The following MGAT4C variants were observed in gnomAD, a reference collection of about 807,000 sequenced individuals.
The protein encoded by MGAT4C is alpha-1,3-mannosyl-glycoprotein 4-beta-N-acetylglucosaminyltransferase C.
In MGAT4C, 19 loss-of-function variants were observed where a neutral mutation model predicts 40.1. The observed-to-expected ratio is 0.47, with a 90% CI of 0.33 to 0.70. The LOEUF (loss-of-function observed/expected upper bound fraction) is 0.70, where lower values mean the gene tolerates loss of function less well. MGAT4C is among the 30% of genes least tolerant of loss of function. The probability of loss-of-function intolerance (pLI) is 0.02; values close to 1 mark genes in which losing one functional copy is unlikely to be tolerated. For synonymous variants in MGAT4C, 181 were observed against 187.1 expected (o/e 0.97, Z 0.27); for missense variants, 491 against 563.2 (o/e 0.87, Z 1.30).
At chr12:86,696,214 GAAA>G (rs367726480) in intron 2 of MGAT4C, among the ~76,000 whole-genome samples, 1 of 144,022 alleles carries the variant, frequency 6.9e-6, no homozygotes, top group Admixed American at 6.9e-5. Context: ...GTGAGACTCA[GAAA>G]AAAAAAAAGT....
intron 1 of MGAT4C, among the ~76,000 whole-genome samples, chr12:86,050,605 G>A (rs546762926): frequency 6.6e-6 from 1 of 152,082 alleles, no homozygotes; most frequent in East Asian, 1.9e-4. Context: ...AGTCAACTGT[G>A]AACATTTATA....
intron 1 of MGAT4C, among the ~76,000 whole-genome samples, chr12:86,133,943 C>T (rs769216229): frequency 3.9e-4 from 60 of 151,912 alleles, no homozygotes; most frequent in Non-Finnish European, 5.4e-4. Context: ...TTATTTCAAA[C>T]TTAGGAGATT....
chr12:86,501,031 G>GTATGCA (rs1958331316), intron 2 of MGAT4C, among the ~76,000 whole-genome samples: 1 of 152,034 alleles, frequency 6.6e-6, no homozygotes, highest in South Asian at 2.1e-4. Flanking sequence ...CTTGATGGGA[G>GTATGCA]TTCTGGAACA....
Position 86,121,270 on chromosome 12 carries a change from T to C in MGAT4C, c.-56-71547A>G, listed in dbSNP as rs186360625. Among the ~76,000 whole-genome samples the C allele has an allele frequency of 1.1e-4, 16 of 152,308 alleles. 1 individual carries two copies. In the East Asian group the frequency reaches 2.3e-3, roughly 22 times the overall value. On this transcript the variant is annotated intron_variant, in intron 1 of 4. Coordinates refer to ENST00000611864, the MANE Select transcript of MGAT4C (RefSeq NM_001351288.2). ...GTGAAAAGACCAAATCTACGTCTGA[T>C]TGGTGTACCTGAAAGTGATGGGGAG...
intron 1 of MGAT4C, among the ~76,000 whole-genome samples, chr12:86,152,010 A>G (rs1884345106): frequency 6.6e-6 from 1 of 152,182 alleles, no homozygotes; most frequent in Non-Finnish European, 1.5e-5. Context: ...ACATCTATCA[A>G]GTTCAGCAAT....
chr12:86,624,589 C>G (rs1041767651), intron 2 of MGAT4C, among the ~76,000 whole-genome samples: 1 of 151,960 alleles, frequency 6.6e-6, no homozygotes, highest in African/African-American at 2.4e-5. Context: ...CATGAAAGTC[C>G]CTACACAATC....
chr12:86,827,358 A>G (rs1371477497), intron 1 of MGAT4C, among the ~76,000 whole-genome samples: 1 of 151,524 alleles, frequency 6.6e-6, no homozygotes, highest in Non-Finnish European at 1.5e-5. Flanking sequence ...CAACAAACAA[A>G]GTAGACACTA....
chr12:86,312,061 G>GGTTTT (rs902874908), intron 4 of MGAT4C, among the ~76,000 whole-genome samples: 7 of 152,158 alleles, frequency 4.6e-5, no homozygotes, highest in African/African-American at 1.7e-4. Flanking sequence ...AAAAAAGGTG[G>GGTTTT]GTTTTGTTTT....
At chr12:86,017,308 A>C (rs532812268) in intron 2 of MGAT4C, among the ~76,000 whole-genome samples, 1 of 152,212 alleles carries the variant, frequency 6.6e-6, no homozygotes, top group East Asian at 1.9e-4. Context: ...ACAGCATGGT[A>C]CTCTTGAAAA....
At chr12:86,622,420 C>T (rs1962667218) in intron 2 of MGAT4C, among the ~76,000 whole-genome samples, 1 of 152,020 alleles carries the variant, frequency 6.6e-6, no homozygotes, top group African/African-American at 2.4e-5. Context: ...TAGAAAGTCT[C>T]ATGTGAAATA....
intron 2 of MGAT4C, among the ~76,000 whole-genome samples, chr12:86,439,674 G>T (rs1957194877): frequency 6.6e-6 from 1 of 151,836 alleles, no homozygotes; most frequent in African/African-American, 2.4e-5. Context: ...CAATACAAAA[G>T]GTAAATGAAG....
chr12:86,571,040 C>G (rs1960343706), intron 2 of MGAT4C, among the ~76,000 whole-genome samples: 1 of 152,110 alleles, frequency 6.6e-6, no homozygotes, highest in Non-Finnish European at 1.5e-5. Flanking sequence ...GTTTCGAACT[C>G]CTGACCTCAA....
chr12:86,323,328 T>C (rs1457736471), intron 4 of MGAT4C, among the ~76,000 whole-genome samples: 2 of 151,820 alleles, frequency 1.3e-5, no homozygotes, highest in East Asian at 3.8e-4. Flanking sequence ...TAAATTATTA[T>C]AATCATCCAT....
intron 2 of MGAT4C, among the ~76,000 whole-genome samples, chr12:86,545,868 A>G (rs1328994397): frequency 6.6e-6 from 1 of 152,050 alleles, no homozygotes; most frequent in African/African-American, 2.4e-5. Context: ...TCATAGAAGC[A>G]AAGTTCTATT....
intron 1 of MGAT4C, among the ~76,000 whole-genome samples, chr12:86,195,324 T>C (rs193274658): frequency 6.6e-6 from 1 of 152,178 alleles, no homozygotes; most frequent in Non-Finnish European, 1.5e-5. Context: ...ATAATTGTTC[T>C]TCGTGATCTG....
At chr12:86,123,030 T>C (rs989898685) in intron 1 of MGAT4C, among the ~76,000 whole-genome samples, 3 of 152,196 alleles carry the variant, frequency 2.0e-5, no homozygotes, top group African/African-American at 4.8e-5. Context: ...GTATTAGTCA[T>C]GATTAAGTCA....
chr12:86,764,699 G>C (rs190653949), intron 1 of MGAT4C, among the ~76,000 whole-genome samples: 4 of 151,990 alleles, frequency 2.6e-5, no homozygotes, highest in African/African-American at 9.7e-5. Flanking sequence ...AGCAGCATTC[G>C]CAGTTCAGGA....
Position 86,221,749 on chromosome 12 carries a change from T to A in MGAT4C, c.-57+34490A>T, listed in dbSNP as rs373929417. Among the ~76,000 whole-genome samples the A allele has an allele frequency of 1.6e-4, 24 of 152,326 alleles. No homozygotes were observed. In the East Asian group the frequency reaches 4.2e-3, roughly 27 times the overall value. On this transcript the variant is annotated intron_variant, in intron 1 of 4. Transcript: ENST00000611864. ...TGTAACCACTCAAGCTGTTTCTGTA[T>A]GTCACTTCCTTTTTCTATCTACAAA...
chr12:86,115,898 T>G (rs1164607421), intron 1 of MGAT4C, among the ~76,000 whole-genome samples: 1 of 152,046 alleles, frequency 6.6e-6, no homozygotes, highest in Non-Finnish European at 1.5e-5. Flanking sequence ...GATCTCATTT[T>G]AACTTAATTG....
Sources: gnomAD v4.1 joint callset for allele counts (sites outside exome capture counted in the v4.1 genomes callset) on GRCh38, gnomAD v4.1.1 for gene constraint, MANE v1.5 for transcripts, NCBI Gene and HGNC (gene_info 2026-07-23, HGNC 2026-07-21) for gene names.